DIXDC1: variants seen among roughly 807,000 people sequenced by gnomAD.
The protein encoded by DIXDC1 is dixin.
In DIXDC1, 64 loss-of-function variants were observed where a neutral mutation model predicts 103.1. That is an observed-to-expected ratio of 0.62 (90% CI 0.51 to 0.76). DIXDC1 has a LOEUF of 0.76. DIXDC1 is among the 30% of genes least tolerant of loss of function. DIXDC1 has a pLI of 0.00. For missense variants in DIXDC1, 759 were observed against 834.2 expected, an observed-to-expected ratio of 0.91 and a Z score of 1.11; for synonymous variants, 266 against 298.5, an observed-to-expected ratio of 0.89 and a Z score of 1.12.
chr11:111,948,031 C>T (rs1253283018), intron 1 of DIXDC1, among the ~76,000 whole-genome samples: 2 of 152,200 alleles, frequency 1.3e-5, no homozygotes, highest in Non-Finnish European at 2.9e-5. Flanking sequence ...AATGAAGTAA[C>T]TTGGATCTGG....
chr11:111,981,280 T>A (rs1326408678), intron 6 of DIXDC1, among the ~76,000 whole-genome samples: 2 of 152,242 alleles, frequency 1.3e-5, no homozygotes, highest in Non-Finnish European at 2.9e-5. Flanking sequence ...ATATCAGGCT[T>A]GGTATGAAGC....
Position 111,977,830 on chromosome 11 carries a change from G to T in DIXDC1, c.656+2847G>T. Reference sequence around the variant, plus strand: ...GCCACTCTGGCTTTGGAAGTGGGGGGCCTGGGTGGGAACAGGGGCAGGGCT... The same window carrying T: ...GCCACTCTGGCTTTGGAAGTGGGGGTCCTGGGTGGGAACAGGGGCAGGGCT... On this transcript the variant is annotated intron_variant, in intron 5 of 19. Coordinates refer to ENST00000440460, the MANE Select transcript of DIXDC1 (RefSeq NM_001037954.4). This position sits in a 1 kb window ranked among gnomAD's most constrained non-coding sequence, Gnocchi z 6.1. 6.5e-7 allele frequency: 1 copy of T among 1,541,616 alleles called. No individual in the cohort carries two copies. Among genetic ancestry groups the T allele is most frequent in the Non-Finnish European group, 8.8e-7 (1 of 1,142,690 alleles).
Position 111,993,543 on chromosome 11 carries a change from G to A in DIXDC1, c.1320G>A (p.Lys440=), listed in dbSNP as rs781935128. ...GCCTTCTTCAGCAGCACCAGGCCAA[G>A]TTAGAAGAAGCACTCCGGAAACTCT... is the stretch of plus-strand genomic sequence containing the variant. The part of the protein sequence containing the change: ...KDRLLQQHQA[K]LEEALRKLSD... Residue 440 remains lysine (K), a synonymous_variant, in exon 13 of 20, where the codon AAG becomes AAA. Transcript: ENST00000440460. 1.2e-6 allele frequency: 2 copies of A among 1,614,024 alleles called. No individual in the cohort carries two copies. Among genetic ancestry groups the A allele is most frequent in the Non-Finnish European group, 1.7e-6 (2 of 1,179,898 alleles).
At chr11:111,984,840 C>T (rs1860437347) in intron 7 of DIXDC1, among the ~76,000 whole-genome samples, 1 of 152,106 alleles carries the variant, frequency 6.6e-6, no homozygotes, top group Admixed American at 6.5e-5. Flanking sequence ...CCAAATAATT[C>T]ATTATAATAC....
chr11:111,950,432 ATATATATTTTTTTTTTTTTTT>A (rs1966755345), intron 1 of DIXDC1, among the ~76,000 whole-genome samples: 1 of 21,202 alleles, frequency 4.7e-5, no homozygotes, highest in African/African-American at 2.9e-4. Context: ...ATATATATAT[ATATATATTTTTTTTTTTTTTT>A]TTTTTTTTTT....
intron 17 of DIXDC1, among the ~76,000 whole-genome samples, chr11:112,007,237 TGAGAA>T (rs1464601732): frequency 2.0e-5 from 3 of 151,866 alleles, no homozygotes; most frequent in African/African-American, 7.3e-5. Context: ...TGAAATAAAG[TGAGAA>T]GAGAAGTTTA....
In DIXDC1 at chr11:111,980,730, A is replaced by G. The variant is rs781799796; in HGVS notation, c.657-7A>G. ...AATCGTTTTTCTTCCTTTTTCTTCA[A>G]TCACAGCCTGACTTCACCCAGTCCA... On this transcript the variant is annotated splice_polypyrimidine_tract_variant and splice_region_variant and intron_variant, in intron 5 of 19. Coordinates refer to ENST00000440460, the MANE Select transcript of DIXDC1 (RefSeq NM_001037954.4). 3.7e-6 allele frequency: 6 copies of G among 1,610,322 alleles called. No homozygotes were observed. The highest frequency in any genetic ancestry group is 3.4e-6 in the Non-Finnish European group (4 of 1,178,148).
At chr11:111,953,610 C>G (rs1049888704) in intron 1 of DIXDC1, among the ~76,000 whole-genome samples, 2 of 152,166 alleles carry the variant, frequency 1.3e-5, no homozygotes, top group Admixed American at 6.5e-5. Context: ...TGCACTCCAG[C>G]TTGGAGACAG....
chr11:111,950,637 G>A (rs1237525192), intron 1 of DIXDC1, among the ~76,000 whole-genome samples: 2 of 150,670 alleles, frequency 1.3e-5, no homozygotes, highest in African/African-American at 2.4e-5. Flanking sequence ...TGTATTTTTA[G>A]TAGAGACAGG....
chr11:112,014,308 C>T, intron 17 of DIXDC1, among the ~76,000 whole-genome samples: 1 of 152,234 alleles, frequency 6.6e-6, no homozygotes, highest in East Asian at 1.9e-4. Context: ...ATCTTGAACT[C>T]TTACCCTGTC....
chr11:111,937,230 G>A (rs1400976946), upstream of DIXDC1: 3 of 1,174,724 alleles, frequency 2.6e-6, no homozygotes, highest in East Asian at 1.1e-4. Context: ...GCTGGGGGCA[G>A]CCCGGCAGCG....
At chr11:111,988,947 A>G (rs373153950) in intron 9 of DIXDC1, 58 bp from the exon 10 acceptor site, 316 of 1,449,188 alleles carry the variant, frequency 2.2e-4, no homozygotes, top group Middle Eastern at 7.0e-4. Flanking sequence ...AGAATGAGGT[A>G]ATGCATTCTG....
At chr11:111,990,965 A>C (rs1860693864) in intron 10 of DIXDC1, among the ~76,000 whole-genome samples, 1 of 151,924 alleles carries the variant, frequency 6.6e-6, no homozygotes, top group African/African-American at 2.4e-5. Flanking sequence ...TTGGCCTCCA[A>C]AAGTGCTGGG....
intron 1 of DIXDC1, among the ~76,000 whole-genome samples, chr11:111,961,254 C>G (rs1449921932): frequency 6.6e-6 from 1 of 152,190 alleles, no homozygotes; most frequent in Non-Finnish European, 1.5e-5. Flanking sequence ...AGTGGTTTGA[C>G]TCAGGTACAT....
At chr11:112,011,010 C>T (rs1358015989) in intron 17 of DIXDC1, among the ~76,000 whole-genome samples, 2 of 152,184 alleles carry the variant, frequency 1.3e-5, no homozygotes, top group Non-Finnish European at 2.9e-5. Flanking sequence ...TCAGAGTGAA[C>T]AGGCAACCTA....
At chr11:111,965,152 C>G (rs782321872) in intron 2 of DIXDC1, among the ~76,000 whole-genome samples, 7 of 152,164 alleles carry the variant, frequency 4.6e-5, no homozygotes, top group Admixed American at 1.3e-4. Context: ...AGGGATGTTA[C>G]TGGCAAAAGG....
At chr11:111,988,949 T>C in intron 9 of DIXDC1, 56 bp from the exon 10 acceptor site, 1 of 1,466,316 alleles carries the variant, frequency 6.8e-7, no homozygotes, top group Non-Finnish European at 9.4e-7. Context: ...AATGAGGTAA[T>C]GCATTCTGAA....
At chr11:111,992,675 A>G (rs1427707764) in intron 11 of DIXDC1, among the ~76,000 whole-genome samples, 156 bp downstream of exon 11, 1 of 152,190 alleles carries the variant, frequency 6.6e-6, no homozygotes, top group Non-Finnish European at 1.5e-5. Flanking sequence ...CATTAGACTC[A>G]TCTCTGTTCC....
chr11:111,929,833 C>G (rs1555167476), exon 2 of DIXDC1: 1 of 1,527,770 alleles, frequency 6.5e-7, no homozygotes, highest in Admixed American at 2.0e-5. Flanking sequence ...CCTGATTCGT[C>G]TCTTCTAGGG....
Sources: gnomAD v4.1 joint callset for allele counts (sites outside exome capture counted in the v4.1 genomes callset) on GRCh38, gnomAD v4.1.1 for gene constraint, Gnocchi (gnomAD v3.1) non-coding constraint, MANE v1.5 for transcripts, NCBI Gene and HGNC (gene_info 2026-07-23, HGNC 2026-07-21) for gene names.